MYO1B: variants seen among roughly 807,000 people sequenced by gnomAD.
MYO1B encodes myosin IB, also known as unconventional myosin-Ib.
In MYO1B, 72 loss-of-function variants were observed where a neutral mutation model predicts 159.7. The ratio of observed to expected loss-of-function variants is 0.45; its 90% CI spans 0.37 to 0.55. MYO1B has a LOEUF of 0.55. Ranked by LOEUF, MYO1B falls within the 20% of genes least tolerant of loss-of-function variation. MYO1B has a pLI of 0.00. For synonymous variants in MYO1B, 468 were observed against 473.8 expected (o/e 0.99, Z 0.16); for missense variants, 1,062 against 1,364.8 (o/e 0.78, Z 3.50).
At chr2:191,411,286 T>A (rs538268970) in intron 27 of MYO1B, 114 bp downstream of exon 27, 3 of 609,154 alleles carry the variant, frequency 4.9e-6, no homozygotes, top group Non-Finnish European at 8.7e-6. Flanking sequence ...GATTTTTAGT[T>A]CTGTGAATCA....
At chr2:191,285,268 C>T (rs4853571) in intron 2 of MYO1B, among the ~76,000 whole-genome samples, 3 of 152,086 alleles carry the variant, frequency 2.0e-5, no homozygotes, top group African/African-American at 7.2e-5. Context: ...ATAAAGACGC[C>T]TGAGGTGATA....
At chr2:191,405,745 T>C (rs916854295) in intron 24 of MYO1B, among the ~76,000 whole-genome samples, 1 of 152,248 alleles carries the variant, frequency 6.6e-6, no homozygotes, top group African/African-American at 2.4e-5. Context: ...AGATAGTCAG[T>C]AAACCATGCT....
At chr2:191,253,906 A>G (rs1686277848) in intron 1 of MYO1B, among the ~76,000 whole-genome samples, 2 of 152,098 alleles carry the variant, frequency 1.3e-5, no homozygotes, top group African/African-American at 4.8e-5. Context: ...TAGTTCTTTT[A>G]TGTCCTTCAA....
chr2:191,416,191 G>A lies in MYO1B; in HGVS notation c.3236G>A (p.Arg1079His), dbSNP rs1697551651. Reference protein sequence around the residue: ...HLIEMATKLYRTTLSQTKQKL... With the variant: ...HLIEMATKLYHTTLSQTKQKL... ...ATTGAAATGGCCACCAAGCTCTATCGCACAACTCTCAGCCAAACCAAACAG... is the reference window on the plus strand; with the variant it reads ...ATTGAAATGGCCACCAAGCTCTATCACACAACTCTCAGCCAAACCAAACAG... Residue 1079 changes from arginine (R) to histidine (H), a missense_variant, in exon 30 of 31, where the codon CGC becomes CAC. Around this residue, in one of 5 missense-constraint regions of MYO1B, gnomAD observed 609 missense variants for 744.4 expected, o/e 0.82. Coordinates refer to ENST00000392318, the MANE Select transcript of MYO1B (RefSeq NM_001130158.3). The A allele has an allele frequency of 3.7e-6, 6 of 1,613,966 alleles. No homozygotes were observed. Among genetic ancestry groups the A allele is most frequent in the African/African-American group, 1.3e-5 (1 of 74,896 alleles).
In MYO1B at chr2:191,387,210, T is replaced by C. The variant is rs1314963142; in HGVS notation, c.1555-14T>C. Reference sequence around the variant, plus strand: ...GCAATGTGCCTGTCATTGAGTTACATGTGCTGCTTATAGGTGCTGTACCAG... The same window carrying C: ...GCAATGTGCCTGTCATTGAGTTACACGTGCTGCTTATAGGTGCTGTACCAG... On this transcript the variant is annotated splice_polypyrimidine_tract_variant and intron_variant, in intron 16 of 30. Coordinates refer to ENST00000392318, the MANE Select transcript of MYO1B (RefSeq NM_001130158.3). The C allele has an allele frequency of 1.2e-6, 2 of 1,607,022 alleles. No homozygotes were observed. The highest frequency in any genetic ancestry group is 1.7e-6 in the Non-Finnish European group (2 of 1,174,702).
chr2:191,362,578 A>C (rs1693740601), intron 9 of MYO1B, among the ~76,000 whole-genome samples: 1 of 152,242 alleles, frequency 6.6e-6, no homozygotes, highest in African/African-American at 2.4e-5. Context: ...TTATTAGAGC[A>C]TGTGATTTTA....
chr2:191,376,332 T>A (rs1401484994), intron 13 of MYO1B, among the ~76,000 whole-genome samples: 1 of 152,220 alleles, frequency 6.6e-6, no homozygotes, highest in Non-Finnish European at 1.5e-5. Flanking sequence ...ATTCTTGTTT[T>A]GGAGCCTGTT....
At chr2:191,323,632 GA>G (rs1356846847) in intron 3 of MYO1B, among the ~76,000 whole-genome samples, 2 of 152,036 alleles carry the variant, frequency 1.3e-5, no homozygotes, top group African/African-American at 4.8e-5. Context: ...TCTGTGTTTT[GA>G]AAACAAGTAT....
Position 191,424,171 on chromosome 2 carries a change from C to G in MYO1B, c.*211C>G. 2 of 536,554 alleles carry G rather than the reference C, an allele frequency of 3.7e-6. No individual in the cohort carries two copies. Among genetic ancestry groups the G allele is most frequent in the Non-Finnish European group, 6.4e-6 (2 of 311,524 alleles). 33.2% of individuals were successfully genotyped at this position (536,554 alleles called of 1,614,324 possible). On this transcript the variant is annotated 3_prime_UTR_variant, in exon 31 of 31. Transcript: ENST00000392318. ...CTGTCCTGGAGCAGGATTGTAGAAA[C>G]TAACAGTGTCTATTTTCATGTCTGA...
intron 1 of MYO1B, among the ~76,000 whole-genome samples, chr2:191,270,363 T>G (rs1337853476): frequency 6.6e-6 from 1 of 152,208 alleles, no homozygotes; most frequent in Non-Finnish European, 1.5e-5. Flanking sequence ...TACTTTTAAT[T>G]ATTAAAAAGT....
intron 3 of MYO1B, among the ~76,000 whole-genome samples, chr2:191,313,619 C>G (rs6741557): frequency 0.035 from 5,292 of 152,166 alleles, 284 homozygotes; most frequent in African/African-American, 0.12. Context: ...CTCCTGACCT[C>G]GTGATCCACC....
chr2:191,266,701 A>G (rs1687160506), intron 1 of MYO1B, among the ~76,000 whole-genome samples: 1 of 152,140 alleles, frequency 6.6e-6, no homozygotes, highest in South Asian at 2.1e-4. Context: ...CTGGGATTCT[A>G]AGGTCTCTCT....
rs544138657 is a variant in MYO1B at position 191,329,643 on chromosome 2, T to C, written c.252-292T>C. Among the ~76,000 whole-genome samples, 7 of 147,660 alleles carry C rather than the reference T, an allele frequency of 4.7e-5. No homozygotes were observed. The South Asian group carries it at 1.5e-3, about 31-fold the overall frequency. On this transcript the variant is annotated intron_variant, in intron 3 of 30. Coordinates refer to ENST00000392318, the MANE Select transcript of MYO1B (RefSeq NM_001130158.3). ...TATAAATTTATTAAATAAATTTATA[T>C]AAATTATTTATTTATATAAATAGTA...
chr2:191,385,964 G>A lies in MYO1B; in HGVS notation c.1434G>A (p.Lys478=). The A allele has an allele frequency of 6.2e-7, 1 of 1,614,162 alleles. No individual in the cohort carries two copies. The highest frequency in any genetic ancestry group is 1.1e-5 in the South Asian group (1 of 91,078). Residue 478 remains lysine (K), a synonymous_variant, in exon 16 of 31, where the codon AAG becomes AAA. Coordinates refer to ENST00000392318, the MANE Select transcript of MYO1B (RefSeq NM_001130158.3). The part of the protein sequence containing the change: ...GTVTDETFLE[K]LNQVCATHQH... ...TCACTGATGAGACCTTCTTAGAAAA[G>A]CTGAACCAAGTATGTGCCACCCACC...
chr2:191,410,081 C>G (rs1380732479), intron 26 of MYO1B, among the ~76,000 whole-genome samples: 1 of 152,212 alleles, frequency 6.6e-6, no homozygotes, highest in Non-Finnish European at 1.5e-5. Context: ...GTTCTGTTCT[C>G]TAACAGCAAA....
At chr2:191,423,727 C>A in intron 30 of MYO1B, 110 bp from the exon 31 acceptor site, 2 of 1,207,554 alleles carry the variant, frequency 1.7e-6, no homozygotes, top group Non-Finnish European at 2.3e-6. Flanking sequence ...GTTAGGGATG[C>A]GCAGCCTGTA....
rs1251463173 is a variant in MYO1B, at chr2:191,424,664, A to G, written c.*704A>G. 1.3e-5 allele frequency: 2 copies of G among 152,206 alleles called. No homozygotes were observed. The highest frequency in any genetic ancestry group is 2.9e-5 in the Non-Finnish European group (2 of 68,018). 9.4% of individuals were successfully genotyped at this position (152,206 alleles called of 1,614,324 possible). On this transcript the variant is annotated 3_prime_UTR_variant, in exon 31 of 31. Transcript: ENST00000392318. The stretch of plus-strand genomic sequence containing the variant: ...CTTTTAATTTGTTTAAAACTCTGGT[A>G]ATTACTTGTAACAGTAGAAAATAGA...
intron 30 of MYO1B, among the ~76,000 whole-genome samples, chr2:191,420,814 T>C (rs893714033): frequency 1.3e-5 from 2 of 152,232 alleles, no homozygotes; most frequent in African/African-American, 4.8e-5. Flanking sequence ...TTCTGAATAT[T>C]TGAAATCCAA....
intron 1 of MYO1B, among the ~76,000 whole-genome samples, chr2:191,275,902 A>T (rs1260099866): frequency 6.6e-6 from 1 of 152,242 alleles, no homozygotes; most frequent in Non-Finnish European, 1.5e-5. Flanking sequence ...CAGAAATTTG[A>T]AAGATTTTTA....
Sources: gnomAD v4.1 joint callset for allele counts (sites outside exome capture counted in the v4.1 genomes callset) on GRCh38, gnomAD v4.1.1 for gene constraint, gnomAD v4.1.1 regional missense constraint, MANE v1.5 for transcripts, NCBI Gene and HGNC (gene_info 2026-07-23, HGNC 2026-07-21) for gene names.